The following PSMD11 variants were observed in gnomAD, a reference collection of about 807,000 sequenced individuals.
PSMD11 encodes the protein proteasome 26S subunit, non-ATPase 11.
Under a neutral mutation model 62.3 loss-of-function variants are expected in PSMD11, and 5 were observed. The observed-to-expected ratio is 0.08, with a 90% CI of 0.04 to 0.17. The LOEUF (loss-of-function observed/expected upper bound fraction) is 0.17, where lower values mean the gene tolerates loss of function less well. Ranked by LOEUF, PSMD11 falls within the 10% of genes least tolerant of loss-of-function variation. The probability of loss-of-function intolerance (pLI) is 1.00; values close to 1 mark genes in which losing one functional copy is unlikely to be tolerated. For missense variants in PSMD11, 310 were observed against 512.9 expected (o/e 0.60, Z 3.82); for synonymous variants, 191 against 191.8 (o/e 1.00, Z 0.03).
intron 8 of PSMD11, 78 bp from the exon 9 acceptor site, chr17:32,477,443 A>G: frequency 8.1e-7 from 1 of 1,234,656 alleles, no homozygotes. Flanking sequence ...GTGTGGACAC[A>G]GCATACTGCT....
Position 32,445,616 on chromosome 17 carries a change from C to T in PSMD11, c.91+1002C>T, listed in dbSNP as rs543415207. 4 of 152,320 alleles carry T rather than the reference C, an allele frequency of 2.6e-5. No homozygotes were observed. In the South Asian group the frequency reaches 8.3e-4, roughly 32 times the overall value. The allele number at this position is 152,320 out of a possible 1,614,324, so 9.4% of individuals were successfully genotyped here. The stretch of plus-strand genomic sequence containing the variant: ...AGGATTCAATTAGGGCTTGGACTAG[C>T]TCTTCACTGCACATGTAATGGCATC... On this transcript the variant is annotated intron_variant, in intron 1 of 13. Transcript: ENST00000261712.
rs529018727 is a variant in PSMD11 at position 32,470,317 on chromosome 17, T to C, written c.643+1124T>C. 3.3e-5 allele frequency among the ~76,000 whole-genome samples: 5 copies of C among 152,074 alleles called. No homozygotes were observed. The East Asian group carries it at 5.8e-4, about 18-fold the overall frequency. On this transcript the variant is annotated intron_variant, in intron 6 of 13. Coordinates refer to ENST00000261712, the MANE Select transcript of PSMD11 (RefSeq NM_002815.4). ...ACCATGCCTGGCCTTTGTTTCTGTTTTTTTTTTTGAGATGGGGTCTTGTTT... is the reference window on the plus strand; with the variant it reads ...ACCATGCCTGGCCTTTGTTTCTGTTCTTTTTTTTGAGATGGGGTCTTGTTT...
chr17:32,449,038 A>G (rs749738087), intron 2 of PSMD11, among the ~76,000 whole-genome samples: 35 of 152,196 alleles, frequency 2.3e-4, no homozygotes, highest in Non-Finnish European at 4.3e-4. Flanking sequence ...AACAGTTTTG[A>G]TAATTACTCC....
intron 5 of PSMD11, 104 bp from the exon 6 acceptor site, chr17:32,468,895 A>ATT (rs369788458): frequency 6.4e-4 from 570 of 895,686 alleles, no homozygotes; most frequent in South Asian, 1.8e-3. Context: ...GAGTTCAGGA[A>ATT]TTTTTTTTTT....
chr17:32,450,614 A>G (rs1907465347), intron 2 of PSMD11, among the ~76,000 whole-genome samples: 1 of 152,014 alleles, frequency 6.6e-6, no homozygotes, highest in Non-Finnish European at 1.5e-5. Flanking sequence ...ATAATTACAG[A>G]TAATCCCAGT....
intron 7 of PSMD11, 55 bp from the exon 8 acceptor site, chr17:32,474,709 T>C: frequency 6.4e-7 from 1 of 1,570,320 alleles, no homozygotes. Context: ...TGCCCAAACC[T>C]TCCTTTAGAA....
intron 9 of PSMD11, among the ~76,000 whole-genome samples, chr17:32,478,298 ACTGT>A (rs1466474772): frequency 1.3e-5 from 2 of 152,172 alleles, no homozygotes; most frequent in Non-Finnish European, 2.9e-5. Context: ...TGTGGCTTTG[ACTGT>A]CCCTGAGATT....
chr17:32,477,864 T>C (rs1360484720), intron 9 of PSMD11: 2 of 233,810 alleles, frequency 8.6e-6, no homozygotes, highest in Non-Finnish European at 1.6e-5. Context: ...AACACACCTA[T>C]TTATTATCTG....
intron 2 of PSMD11, 200 bp downstream of exon 2, chr17:32,447,246 G>A: frequency 2.0e-6 from 1 of 493,402 alleles, no homozygotes; most frequent in Non-Finnish European, 3.6e-6. Flanking sequence ...GCAAATGAGA[G>A]ACAATCTTAT....
In PSMD11 at chr17:32,477,547, G is replaced by A. The variant is rs1386773734; in HGVS notation, c.876G>A (p.Gln292=). 1.9e-6 allele frequency: 3 copies of A among 1,609,442 alleles called. No individual in the cohort carries two copies. In the African/African-American group the frequency reaches 4.0e-5, roughly 22 times the overall value. ...CAGAAGCATTAAAATGCGTGGCTCA[G>A]GCTAGCAAGAACAGATCACTGGCAG... ...RQTEALKCVA[Q]ASKNRSLADF... The change falls in exon 9 of 14, where the codon CAG becomes CAA. Residue 292 remains glutamine (Q), a synonymous_variant. Coordinates refer to ENST00000261712, the MANE Select transcript of PSMD11 (RefSeq NM_002815.4).
rs560781226 is a variant in PSMD11 at position 32,449,958 on chromosome 17, A to C, written c.193+2912A>C. 2.6e-5 allele frequency among the ~76,000 whole-genome samples: 4 copies of C among 152,318 alleles called. No individual in the cohort carries two copies. The South Asian group carries it at 8.3e-4, about 32-fold the overall frequency. ...CCAAATAAAACAATGTCTGATGTGT[A>C]ATTGTGATTGCAAGTAGTGTTAGTA... is the stretch of plus-strand genomic sequence containing the variant. On this transcript the variant is annotated intron_variant, in intron 2 of 13. Transcript: ENST00000261712.
intron 8 of PSMD11, 26 bp downstream of exon 8, chr17:32,474,850 T>G: frequency 6.2e-7 from 1 of 1,601,900 alleles, no homozygotes; most frequent in Non-Finnish European, 8.6e-7. Flanking sequence ...ACTGCAGTTC[T>G]GCTCACTCTG....
intron 6 of PSMD11, among the ~76,000 whole-genome samples, chr17:32,469,411 A>G (rs1032203906): frequency 1.3e-5 from 2 of 152,178 alleles, no homozygotes; most frequent in Non-Finnish European, 2.9e-5. Flanking sequence ...TGACCAGGCA[A>G]TCTGACTTTT....
At chr17:32,468,000 G>A (rs1183296213) in intron 5 of PSMD11, among the ~76,000 whole-genome samples, 1 of 152,050 alleles carries the variant, frequency 6.6e-6, no homozygotes, top group East Asian at 1.9e-4. Flanking sequence ...TCCCCTCCGC[G>A]TTCAGGTATT....
intron 3 of PSMD11, among the ~76,000 whole-genome samples, chr17:32,461,312 C>T (rs1907834431): frequency 1.3e-5 from 2 of 152,212 alleles, no homozygotes; most frequent in Non-Finnish European, 1.5e-5. Flanking sequence ...CCCCTGACCT[C>T]GTGATCCGCC....
At position 32,447,017 on chromosome 17, in the gene PSMD11, C is replaced by G; in HGVS notation, c.164C>G (p.Ser55Cys). ...VKEQSILELGSLLAKTGQAAE... is the reference protein window; with the variant it reads ...VKEQSILELGCLLAKTGQAAE... Reference sequence around the variant, plus strand: ...GAGCAGAGCATCCTGGAACTGGGATCTCTCCTGGCAAAGACTGGACAAGCT... The same window carrying G: ...GAGCAGAGCATCCTGGAACTGGGATGTCTCCTGGCAAAGACTGGACAAGCT... Residue 55 changes from serine to cysteine, a missense_variant, in exon 2 of 14, where the codon TCT becomes TGT. Coordinates refer to ENST00000261712, the MANE Select transcript of PSMD11 (RefSeq NM_002815.4). The G allele has an allele frequency of 1.2e-6, 2 of 1,611,802 alleles. No individual in the cohort carries two copies. The highest frequency in any genetic ancestry group is 1.7e-6 in the Non-Finnish European group (2 of 1,178,752).
At chr17:32,477,983 G>A (rs1015449365) in intron 9 of PSMD11, among the ~76,000 whole-genome samples, 9 of 152,196 alleles carry the variant, frequency 5.9e-5, no homozygotes, top group Admixed American at 3.3e-4. Context: ...CACAGTTGTA[G>A]GCATTCCTTC....
At chr17:32,478,054 T>C (rs1476743197) in intron 9 of PSMD11, among the ~76,000 whole-genome samples, 1 of 152,226 alleles carries the variant, frequency 6.6e-6, no homozygotes, top group Non-Finnish European at 1.5e-5. Context: ...ATGTGCGTAC[T>C]TGGACCCAAA....
intron 3 of PSMD11, among the ~76,000 whole-genome samples, chr17:32,462,773 A>G (rs1597836221): frequency 1.3e-5 from 2 of 151,630 alleles, no homozygotes; most frequent in East Asian, 3.9e-4. Flanking sequence ...CGCAACCTCC[A>G]CCTCCCAGGT....
Sources: gnomAD v4.1 joint callset for allele counts (sites outside exome capture counted in the v4.1 genomes callset) on GRCh38, gnomAD v4.1.1 for gene constraint, MANE v1.5 for transcripts, NCBI Gene and HGNC (gene_info 2026-07-23, HGNC 2026-07-21) for gene names.